Variants in SH3RF3 observed in about 807,000 individuals in gnomAD.
SH3RF3 encodes SH3 domain containing ring finger 3, also known as E3 ubiquitin-protein ligase SH3RF3.
SH3RF3 carries 29 observed loss-of-function variants against 66.3 expected under a neutral mutation model. That is an observed-to-expected ratio of 0.44 (90% CI 0.33 to 0.60). The LOEUF (loss-of-function observed/expected upper bound fraction) is 0.60. Among genes scored for constraint, SH3RF3 ranks in the 20% least tolerant of loss-of-function variants. The probability of loss-of-function intolerance (pLI) is 0.04; values close to 1 mark genes in which losing one functional copy is unlikely to be tolerated. For synonymous variants in SH3RF3, 583 were observed against 532.0 expected, an observed-to-expected ratio of 1.10 and a Z score of -1.32; for missense variants, 1,194 against 1,190.9, an observed-to-expected ratio of 1.00 and a Z score of -0.04.
chr2:109,442,244 G>A (rs150149522), intron 7 of SH3RF3, among the ~76,000 whole-genome samples: 1,542 of 150,816 alleles, frequency 0.01, 30 homozygotes, highest in African/African-American at 0.035. Context: ...CTGGGAGGCA[G>A]AGCTTACAGT....
At chr2:109,188,652 G>A (rs889085881) in intron 1 of SH3RF3, among the ~76,000 whole-genome samples, 1 of 152,190 alleles carries the variant, frequency 6.6e-6, no homozygotes, top group Non-Finnish European at 1.5e-5. Context: ...TGCATGCCGA[G>A]GGCTGGAATG....
intron 1 of SH3RF3, among the ~76,000 whole-genome samples, chr2:109,247,453 T>A (rs1339073618): frequency 6.6e-6 from 1 of 152,244 alleles, no homozygotes; most frequent in Non-Finnish European, 1.5e-5. Context: ...TGACCGTTCC[T>A]CTGAGGACAC....
chr2:109,215,230 A>G (rs752311), intron 1 of SH3RF3, among the ~76,000 whole-genome samples: 47,809 of 151,912 alleles, frequency 0.31, 8,207 homozygotes, highest in East Asian at 0.46. Flanking sequence ...CCCCCTTACT[A>G]ATGTCACGGG....
At chr2:109,432,880 C>G (rs531701206) in intron 6 of SH3RF3, among the ~76,000 whole-genome samples, 1 of 152,372 alleles carries the variant, frequency 6.6e-6, no homozygotes, top group East Asian at 1.9e-4. Flanking sequence ...CTGTCCTCAG[C>G]AGACATTGGC....
intron 8 of SH3RF3, among the ~76,000 whole-genome samples, chr2:109,452,002 T>C (rs1448049358): frequency 3.9e-5 from 6 of 152,236 alleles, no homozygotes; most frequent in African/African-American, 1.4e-4. Context: ...TCCCACACAT[T>C]GTGTGTGCTT....
chr2:109,219,546 T>C (rs1679178677), intron 1 of SH3RF3, among the ~76,000 whole-genome samples: 1 of 152,190 alleles, frequency 6.6e-6, no homozygotes, highest in South Asian at 2.1e-4. Flanking sequence ...ATCTTATGCA[T>C]AGAAAACTCT....
rs371484362 is a variant in SH3RF3 at position 109,499,169 on chromosome 2, C to T, written c.2481-2334C>T. On this transcript the variant is annotated intron_variant, in intron 9 of 9. Transcript: ENST00000309415. ...AGGAGCCACCCACAGGAGACCTGCA[C>T]GGAGGCCACCAGGGAAGGCATCCAG... Among the ~76,000 whole-genome samples, 612 of 152,308 alleles carry T rather than the reference C, an allele frequency of 4.0e-3. 24 individuals carry two copies. In the South Asian group the frequency reaches 0.095, roughly 24 times the overall value.
In SH3RF3 at chr2:109,130,071, T is replaced by C; in HGVS notation, c.531T>C (p.Ser177=). 7.3e-7 allele frequency: 1 copy of C among 1,366,366 alleles called. No individual in the cohort carries two copies. Among genetic ancestry groups the C allele is most frequent in the Non-Finnish European group, 9.4e-7 (1 of 1,060,682 alleles). 84.6% of individuals were successfully genotyped at this position (1,366,366 alleles called of 1,614,324 possible). A position where few individuals can be genotyped will look rare whatever the true frequency, so the allele number is the denominator to read the frequency against. Residue 177 remains serine (S), a synonymous_variant, in exon 1 of 10, where the codon AGT becomes AGC. Transcript: ENST00000309415. ...LSAAAGSTAG[S]LRELATSRTA... is the part of the protein sequence containing the mutation. ...CGGCCGCGGGCAGCACCGCCGGCAG[T>C]CTGCGGGAGCTGGCGACCAGCAGGA... is the stretch of plus-strand genomic sequence containing the variant.
intron 1 of SH3RF3, among the ~76,000 whole-genome samples, chr2:109,132,347 A>G (rs1258299382): frequency 6.6e-6 from 1 of 152,160 alleles, no homozygotes; most frequent in Non-Finnish European, 1.5e-5. Flanking sequence ...TTTAAAAAAA[A>G]GTTTTAATTT....
At chr2:109,431,041 A>G (rs1007164625) in intron 5 of SH3RF3, among the ~76,000 whole-genome samples, 1 of 152,230 alleles carries the variant, frequency 6.6e-6, no homozygotes, top group Non-Finnish European at 1.5e-5. Context: ...TTTAATCTCT[A>G]CAAGGTTCTC....
At chr2:109,155,376 C>T (rs1420864811) in intron 1 of SH3RF3, among the ~76,000 whole-genome samples, 2 of 152,316 alleles carry the variant, frequency 1.3e-5, no homozygotes, top group Admixed American at 1.3e-4. Context: ...TCTTGGCTCA[C>T]TGCAAGCTCC....
chr2:109,194,614 A>G lies in SH3RF3; in HGVS notation c.573+64501A>G, dbSNP rs186954996. Among the ~76,000 whole-genome samples the G allele has an allele frequency of 4.0e-4, 61 of 152,290 alleles. 3 individuals are homozygous for G. The highest frequency in any genetic ancestry group is 3.9e-3 in the Admixed American group (60 of 15,304). On this transcript the variant is annotated intron_variant, in intron 1 of 9. Transcript: ENST00000309415. ...AGGGAGGGCAGGCACATATGCACAC[A>G]CAGGCACTTTGTATCTTCTGCATAT... is the stretch of plus-strand genomic sequence containing the variant.
intron 3 of SH3RF3, among the ~76,000 whole-genome samples, chr2:109,372,308 C>T (rs1303993938): frequency 6.6e-6 from 1 of 152,208 alleles, no homozygotes; most frequent in Admixed American, 6.5e-5. Context: ...ACACGTGTGT[C>T]TTTAAAACAC....
At chr2:109,286,480 C>G (rs190436135) in intron 1 of SH3RF3, among the ~76,000 whole-genome samples, 1 of 152,276 alleles carries the variant, frequency 6.6e-6, no homozygotes, top group African/African-American at 2.4e-5. Context: ...ACCACAGTCC[C>G]GCACAAGGCC....
intron 8 of SH3RF3, among the ~76,000 whole-genome samples, chr2:109,455,393 G>T (rs1678022108): frequency 6.6e-6 from 1 of 152,196 alleles, no homozygotes; most frequent in African/African-American, 2.4e-5. Context: ...AACCCAATTT[G>T]GTCTGAAAGG....
chr2:109,129,420 G>T lies in SH3RF3; in HGVS notation c.-121G>T. 6.8e-7 allele frequency: 1 copy of T among 1,461,692 alleles called. No homozygotes were observed. Among genetic ancestry groups the T allele is most frequent in the Middle Eastern group, 2.2e-4 (1 of 4,638 alleles). The allele number at this position is 1,461,692 out of a possible 1,614,324, so 90.5% of individuals were successfully genotyped here. A position where few individuals can be genotyped will look rare whatever the true frequency, so the allele number is the denominator to read the frequency against. On this transcript the variant is annotated 5_prime_UTR_variant, in exon 1 of 10. Transcript: ENST00000309415. ...CAGCCCTAGCATCGGGCCACCAGCC[G>T]GGGTGAAGAAAGTCACGGCGGAGCC...
At chr2:109,396,440 C>T (rs1377531793) in intron 3 of SH3RF3, among the ~76,000 whole-genome samples, 3 of 152,244 alleles carry the variant, frequency 2.0e-5, no homozygotes, top group Non-Finnish European at 2.9e-5. Context: ...TGGGCCGGGT[C>T]TGAAGGCAGC....
At chr2:109,304,811 TG>T in intron 1 of SH3RF3, among the ~76,000 whole-genome samples, 1 of 152,102 alleles carries the variant, frequency 6.6e-6, no homozygotes, top group East Asian at 1.9e-4. Flanking sequence ...AGCTGTGAAT[TG>T]CTAGATTAGA....
Position 109,501,617 on chromosome 2 carries a change from G to C in SH3RF3, c.2595G>C (p.Leu865=). The C allele has an allele frequency of 1.3e-6, 1 of 778,720 alleles. No individual in the cohort carries two copies. The allele number at this position is 778,720 out of a possible 1,614,324, so 48.2% of individuals were successfully genotyped here. A position where few individuals can be genotyped will look rare whatever the true frequency, so the allele number is the denominator to read the frequency against. ...KREDGWYKGT[L]QRNGRTGLFP... Reference sequence around the variant, plus strand: ...AGGACGGCTGGTACAAGGGGACCCTGCAGCGGAACGGCCGCACAGGCCTCT... The same window carrying C: ...AGGACGGCTGGTACAAGGGGACCCTCCAGCGGAACGGCCGCACAGGCCTCT... Residue 865 remains leucine (L), a synonymous_variant, in exon 10 of 10, where the codon CTG becomes CTC. Coordinates refer to ENST00000309415, the MANE Select transcript of SH3RF3 (RefSeq NM_001099289.3).
Sources: gnomAD v4.1 joint callset for allele counts (sites outside exome capture counted in the v4.1 genomes callset) on GRCh38, gnomAD v4.1.1 for gene constraint, MANE v1.5 for transcripts, NCBI Gene and HGNC (gene_info 2026-07-23, HGNC 2026-07-21) for gene names.